The following DCAF6 variants were observed in gnomAD, a reference collection of about 807,000 sequenced individuals.
The protein encoded by DCAF6 is DDB1- and CUL4-associated factor 6.
In DCAF6, 54 loss-of-function variants were observed where a neutral mutation model predicts 125.1. The ratio of observed to expected loss-of-function variants is 0.43; its 90% CI spans 0.35 to 0.54. DCAF6 has a LOEUF of 0.54. Ranked by LOEUF, DCAF6 falls within the 20% of genes least tolerant of loss-of-function variation. The pLI is 0.01. For synonymous variants in DCAF6, 371 were observed against 390.4 expected (o/e 0.95, Z 0.58); for missense variants, 934 against 1,161.7 (o/e 0.80, Z 2.85).
At chr1:167,923,016 C>T in the DCAF6 span, among the ~76,000 whole-genome samples, 1 of 152,036 alleles carries the variant, frequency 6.6e-6, no homozygotes, top group Non-Finnish European at 1.5e-5. Flanking sequence ...CCATTAGGTG[C>T]CTATCATAAA....
At chr1:168,032,218 C>T (rs185025452) in intron 12 of DCAF6, among the ~76,000 whole-genome samples, 1 of 152,288 alleles carries the variant, frequency 6.6e-6, no homozygotes, top group East Asian at 1.9e-4. Context: ...TGCATAGTAT[C>T]ACTTCTGTTT....
intron 7 of DCAF6, among the ~76,000 whole-genome samples, chr1:167,998,457 G>T (rs74120590): frequency 0.03 from 4,551 of 152,104 alleles, 234 homozygotes; most frequent in African/African-American, 0.1. Context: ...TGCATCGATA[G>T]ACTCTTCCTT....
chr1:167,961,396 C>T (rs541347734), intron 2 of DCAF6, among the ~76,000 whole-genome samples: 1 of 152,078 alleles, frequency 6.6e-6, no homozygotes, highest in Non-Finnish European at 1.5e-5. Flanking sequence ...GTGCCCACCA[C>T]CACACCCGGC....
chr1:167,867,098 C>T, the DCAF6 span, among the ~76,000 whole-genome samples: 2 of 152,142 alleles, frequency 1.3e-5, no homozygotes, highest in African/African-American at 4.8e-5. Context: ...TTTGCAACAC[C>T]CTAAACCCCG....
the DCAF6 span, among the ~76,000 whole-genome samples, chr1:167,923,009 T>C: frequency 4.6e-5 from 7 of 152,240 alleles, 1 homozygote; most frequent in South Asian, 1.4e-3. Flanking sequence ...CTAACACCCA[T>C]TAGGTGCCTA....
chr1:167,925,453 A>C, the DCAF6 span, among the ~76,000 whole-genome samples: 1 of 110,644 alleles, frequency 9.0e-6, no homozygotes, highest in African/African-American at 3.8e-5. Context: ...ATATATATAT[A>C]TATATATATA....
the DCAF6 span, among the ~76,000 whole-genome samples, chr1:167,918,930 T>A: frequency 6.6e-6 from 1 of 152,082 alleles, no homozygotes; most frequent in Admixed American, 6.5e-5. Flanking sequence ...ACATATAGTT[T>A]CCTGTGCAAA....
intron 13 of DCAF6, among the ~76,000 whole-genome samples, chr1:168,042,330 T>C (rs918068250): frequency 3.3e-5 from 5 of 152,086 alleles, no homozygotes; most frequent in African/African-American, 1.2e-4. Flanking sequence ...TCTCATTCAG[T>C]CCTCTTGTTA....
chr1:167,916,241 T>C, the DCAF6 span, among the ~76,000 whole-genome samples: 2,330 of 152,018 alleles, frequency 0.015, 56 homozygotes, highest in African/African-American at 0.051. Flanking sequence ...AGTTTTGCTC[T>C]TGTCGCCCAG....
chr1:167,893,799 A>C, the DCAF6 span: 1 of 1,222,632 alleles, frequency 8.2e-7, no homozygotes, highest in Non-Finnish European at 1.2e-6. Flanking sequence ...TTAAAATTCC[A>C]GCTGTCCAGA....
chr1:167,937,228 C>G, intron 1 of DCAF6: 1 of 592,334 alleles, frequency 1.7e-6, no homozygotes, highest in Non-Finnish European at 3.1e-6. Context: ...GGGTTTTTCT[C>G]GGAGGGCCGG....
intron 2 of DCAF6, among the ~76,000 whole-genome samples, chr1:167,963,193 G>A (rs1476096123): frequency 6.6e-6 from 1 of 152,058 alleles, no homozygotes; most frequent in African/African-American, 2.4e-5. Flanking sequence ...GAACTCAGGA[G>A]GCGGAGGTTG....
At chr1:168,002,659 T>C in intron 8 of DCAF6, 84 bp downstream of exon 8, 1 of 1,060,584 alleles carries the variant, frequency 9.4e-7, no homozygotes, top group East Asian at 2.7e-5. Context: ...CTATTATAAA[T>C]TATTCTGTAA....
chr1:167,898,982 A>G, the DCAF6 span, among the ~76,000 whole-genome samples: 2 of 152,184 alleles, frequency 1.3e-5, no homozygotes, highest in African/African-American at 2.4e-5. Context: ...TCTCTCTTCT[A>G]TCACTGAACT....
intron 4 of DCAF6, among the ~76,000 whole-genome samples, chr1:167,982,851 G>T (rs1679401582): frequency 6.6e-6 from 1 of 152,052 alleles, no homozygotes; most frequent in Non-Finnish European, 1.5e-5. Context: ...GTGAAATGTA[G>T]GGGGGTCCAG....
intron 12 of DCAF6, among the ~76,000 whole-genome samples, chr1:168,030,343 T>C (rs1686911385): frequency 6.6e-6 from 1 of 152,206 alleles, no homozygotes; most frequent in African/African-American, 2.4e-5. Flanking sequence ...GCAGAGCCTC[T>C]GAGATGCCAC....
chr1:167,911,122 G>A, the DCAF6 span, among the ~76,000 whole-genome samples: 1 of 152,090 alleles, frequency 6.6e-6, no homozygotes, highest in African/African-American at 2.4e-5. Context: ...AATCACCGAA[G>A]GACAAATATA....
At chr1:167,970,267 A>G (rs558447530) in intron 3 of DCAF6, among the ~76,000 whole-genome samples, 4 of 152,350 alleles carry the variant, frequency 2.6e-5, no homozygotes, top group Admixed American at 1.3e-4. Context: ...CCTTTGATGT[A>G]TGATTTCCAA....
the DCAF6 span, among the ~76,000 whole-genome samples, chr1:167,915,652 T>C: frequency 9.2e-5 from 14 of 152,134 alleles, no homozygotes; most frequent in Admixed American, 3.3e-4. Context: ...GGTTTCACCA[T>C]GTTAGTCAGT....
Sources: gnomAD v4.1 joint callset for allele counts (sites outside exome capture counted in the v4.1 genomes callset) on GRCh38, gnomAD v4.1.1 for gene constraint, MANE v1.5 for transcripts, NCBI Gene and HGNC (gene_info 2026-07-23, HGNC 2026-07-21) for gene names.